The following DAPK2 variants were observed in gnomAD, a reference collection of about 807,000 sequenced individuals.
DAPK2 encodes the protein death-associated protein kinase 2.
A neutral mutation model predicts 44.1 loss-of-function variants in DAPK2; 35 were observed. That is an observed-to-expected ratio of 0.79 (90% CI 0.61 to 1.05). The LOEUF (loss-of-function observed/expected upper bound fraction) is 1.05. Among genes scored for constraint, DAPK2 ranks in the 50% least tolerant of loss-of-function variants. DAPK2 has a pLI of 0.00. For synonymous variants in DAPK2, 174 were observed against 182.6 expected, an observed-to-expected ratio of 0.95 and a Z score of 0.38; for missense variants, 453 against 483.2, an observed-to-expected ratio of 0.94 and a Z score of 0.59.
intron 1 of DAPK2, among the ~76,000 whole-genome samples, chr15:64,029,259 TTGTC>T (rs2079941970): frequency 6.6e-6 from 1 of 152,144 alleles, no homozygotes; most frequent in Non-Finnish European, 1.5e-5. Flanking sequence ...TGCGGCCACT[TTGTC>T]TGAGTGGCTT....
At chr15:63,948,222 G>A (rs980732235) in intron 3 of DAPK2, among the ~76,000 whole-genome samples, 2 of 121,766 alleles carry the variant, frequency 1.6e-5, no homozygotes, top group East Asian at 3.1e-4. Flanking sequence ...AGTGAGCGGA[G>A]ATCACACCAC....
At chr15:63,907,425 C>CT (rs751101150) in exon 11 of DAPK2, 194 of 145,028 alleles carry the variant, frequency 1.3e-3, no homozygotes, top group Middle Eastern at 7.2e-3. Context: ...TCTCTGGCAA[C>CT]TTTTTTTTTT....
intron 1 of DAPK2, among the ~76,000 whole-genome samples, chr15:63,984,088 C>T (rs1371939342): frequency 2.0e-5 from 3 of 152,200 alleles, no homozygotes; most frequent in Non-Finnish European, 4.4e-5. Context: ...CTAGGACCCA[C>T]CAGATGAAAT....
intron 3 of DAPK2, among the ~76,000 whole-genome samples, chr15:63,942,986 T>G (rs183695069): frequency 7.7e-4 from 117 of 152,058 alleles, no homozygotes; most frequent in African/African-American, 2.8e-3. Context: ...GTGCCCCAAG[T>G]GAAGACAGGT....
intron 1 of DAPK2, among the ~76,000 whole-genome samples, chr15:64,033,206 GCCA>G (rs1342633078): frequency 6.7e-6 from 1 of 149,076 alleles, no homozygotes; most frequent in Non-Finnish European, 1.5e-5. Flanking sequence ...GCTGCAATGA[GCCA>G]TGACTGAACC....
chr15:63,970,777 A>G (rs979045502), intron 3 of DAPK2, among the ~76,000 whole-genome samples: 2 of 152,238 alleles, frequency 1.3e-5, no homozygotes. Flanking sequence ...GAGCTCAGTT[A>G]CTAAGGGAAC....
Position 63,944,639 on chromosome 15 carries a change from G to A in DAPK2, c.454-5278C>T, listed in dbSNP as rs145737823. Among the ~76,000 whole-genome samples the A allele has an allele frequency of 1.1e-3, 175 of 152,306 alleles. 1 individual carries two copies. The highest frequency in any genetic ancestry group is 4.0e-3 in the Admixed American group (61 of 15,304). On this transcript the variant is annotated intron_variant, in intron 3 of 10. Coordinates refer to ENST00000261891, the Ensembl canonical transcript of DAPK2. ...AGATAAGAAAACGGGGCTCACACAG[G>A]GCTAAATGATTTGCCAAGGTGCAAC...
At chr15:64,030,979 T>TACACACACACACACAC (rs71131201) in intron 1 of DAPK2, among the ~76,000 whole-genome samples, 24 of 140,282 alleles carry the variant, frequency 1.7e-4, no homozygotes, top group African/African-American at 4.8e-4. Flanking sequence ...AATACACACA[T>TACACACACACACACAC]ACACACACAC....
chr15:63,995,340 AG>A (rs1408438717), intron 1 of DAPK2, among the ~76,000 whole-genome samples: 1 of 152,180 alleles, frequency 6.6e-6, no homozygotes, highest in Non-Finnish European at 1.5e-5. Context: ...TACTTGTAAA[AG>A]CTCTTTATGT....
At chr15:63,975,051 TGAGA>T (rs1351794221) in intron 2 of DAPK2, among the ~76,000 whole-genome samples, 1 of 152,234 alleles carries the variant, frequency 6.6e-6, no homozygotes, top group Non-Finnish European at 1.5e-5. Flanking sequence ...TCTCCTTGGC[TGAGA>T]GAGGGGTCTA....
chr15:63,985,251 T>G (rs963082059), intron 1 of DAPK2, among the ~76,000 whole-genome samples: 3 of 152,238 alleles, frequency 2.0e-5, no homozygotes, highest in Non-Finnish European at 2.9e-5. Flanking sequence ...CTCTAAATTT[T>G]TAGCTATTTC....
rs770527603 is a variant in DAPK2, at chr15:64,020,429, T to C, written c.92+19741A>G. On this transcript the variant is annotated intron_variant, in intron 1 of 10. Transcript: ENST00000261891. The surrounding 1 kb of genome is among the most constrained non-coding windows in gnomAD (Gnocchi z 4.5). ...GGGGTCTTCCCCAAGAGTGGCATGTTCTCTTGCAGTAATGATTAAGGTGAT... is the reference window on the plus strand; with the variant it reads ...GGGGTCTTCCCCAAGAGTGGCATGTCCTCTTGCAGTAATGATTAAGGTGAT... Among the ~76,000 whole-genome samples the C allele has an allele frequency of 5.3e-5, 8 of 152,224 alleles. No individual in the cohort carries two copies. The highest frequency in any genetic ancestry group is 7.4e-5 in the Non-Finnish European group (5 of 68,026).
chr15:64,002,330 AAC>A (rs775472814), intron 1 of DAPK2, among the ~76,000 whole-genome samples: 3 of 152,234 alleles, frequency 2.0e-5, no homozygotes, highest in Non-Finnish European at 2.9e-5. Context: ...TCTTATTGGA[AAC>A]ACAAATGAGC....
At chr15:63,968,664 C>G (rs2078122591) in intron 3 of DAPK2, among the ~76,000 whole-genome samples, 1 of 152,238 alleles carries the variant, frequency 6.6e-6, no homozygotes, top group African/African-American at 2.4e-5. Context: ...TTCTCTCTAA[C>G]CCTTACAGCT....
At chr15:63,919,189 C>A (rs1457975967) in intron 8 of DAPK2, 2 of 152,222 alleles carry the variant, frequency 1.3e-5, no homozygotes, top group Non-Finnish European at 2.9e-5. Flanking sequence ...GGGGGCATTT[C>A]TCAACTCTCT....
At chr15:63,962,694 C>T (rs912001802) in intron 3 of DAPK2, among the ~76,000 whole-genome samples, 1 of 152,196 alleles carries the variant, frequency 6.6e-6, no homozygotes, top group African/African-American at 2.4e-5. Flanking sequence ...ATGTTGCTGC[C>T]TGATCCCTCT....
At chr15:63,985,244 T>C (rs1159601727) in intron 1 of DAPK2, among the ~76,000 whole-genome samples, 2 of 152,240 alleles carry the variant, frequency 1.3e-5, no homozygotes, top group Non-Finnish European at 2.9e-5. Flanking sequence ...CCACTGACTC[T>C]AAATTTTTAG....
At chr15:63,915,789 C>A (rs995685632) in intron 8 of DAPK2, among the ~76,000 whole-genome samples, 2 of 152,216 alleles carry the variant, frequency 1.3e-5, no homozygotes, top group Admixed American at 1.3e-4. Flanking sequence ...GTCAGGCTGG[C>A]CTTTCCTAAT....
At chr15:63,942,850 A>G (rs2077346536) in intron 3 of DAPK2, among the ~76,000 whole-genome samples, 1 of 152,102 alleles carries the variant, frequency 6.6e-6, no homozygotes, top group African/African-American at 2.4e-5. Context: ...ATACCCGAAC[A>G]CAGTGCTTCT....
Sources: gnomAD v4.1 joint callset for allele counts (sites outside exome capture counted in the v4.1 genomes callset) on GRCh38, gnomAD v4.1.1 for gene constraint, Gnocchi (gnomAD v3.1) non-coding constraint, MANE v1.5 for transcripts, NCBI Gene and HGNC (gene_info 2026-07-23, HGNC 2026-07-21) for gene names.